SEMA5A: variants seen among roughly 807,000 people sequenced by gnomAD.
SEMA5A encodes the protein semaphorin-5A.
SEMA5A carries 55 observed loss-of-function variants against 135.5 expected under a neutral mutation model. The ratio of observed to expected loss-of-function variants is 0.41; its 90% CI spans 0.33 to 0.51. SEMA5A has a LOEUF of 0.51. SEMA5A is among the 20% of genes least tolerant of loss of function. The pLI is 0.37. For missense variants in SEMA5A, 1,290 were observed against 1,419.9 expected (o/e 0.91, Z 1.47); for synonymous variants, 580 against 546.5 (o/e 1.06, Z -0.85).
intron 13 of SEMA5A, among the ~76,000 whole-genome samples, chr5:9,127,618 T>A (rs568960550): frequency 7.9e-5 from 12 of 152,248 alleles, no homozygotes; most frequent in African/African-American, 2.9e-4. Flanking sequence ...TGTTTGGGGG[T>A]TTATTTGCAC....
intron 21 of SEMA5A, among the ~76,000 whole-genome samples, chr5:9,048,741 G>A (rs1736404240): frequency 6.6e-6 from 1 of 152,126 alleles, no homozygotes; most frequent in East Asian, 1.9e-4. Flanking sequence ...GGACCAAATG[G>A]GCTTTGCACC....
chr5:9,143,669 C>T (rs1742181635), intron 12 of SEMA5A, among the ~76,000 whole-genome samples: 1 of 152,144 alleles, frequency 6.6e-6, no homozygotes, highest in East Asian at 1.9e-4. Flanking sequence ...AGATAGAGCA[C>T]ATGTGAAATA....
intron 2 of SEMA5A, among the ~76,000 whole-genome samples, chr5:9,434,268 C>G (rs1388542166): frequency 1.3e-5 from 2 of 152,102 alleles, no homozygotes; most frequent in Non-Finnish European, 2.9e-5. Context: ...AATTTTATGT[C>G]TAGTATTATC....
At chr5:9,515,580 C>G (rs1004161983) in intron 1 of SEMA5A, among the ~76,000 whole-genome samples, 5 of 152,128 alleles carry the variant, frequency 3.3e-5, no homozygotes, top group African/African-American at 9.7e-5. Context: ...ATGACACAAA[C>G]AGAAGAGCTT....
At chr5:9,067,848 TA>T (rs1737560514) in intron 16 of SEMA5A, among the ~76,000 whole-genome samples, 1 of 152,210 alleles carries the variant, frequency 6.6e-6, no homozygotes, top group Non-Finnish European at 1.5e-5. Context: ...ATAGTTTCCA[TA>T]TCTTCATCTT....
At chr5:9,304,751 T>C (rs535935786) in intron 5 of SEMA5A, among the ~76,000 whole-genome samples, 22 of 152,330 alleles carry the variant, frequency 1.4e-4, no homozygotes, top group South Asian at 4.1e-4. Flanking sequence ...TTCTCAGTAT[T>C]GATTTATGAT....
chr5:9,155,230 C>G (rs930870012), intron 11 of SEMA5A, among the ~76,000 whole-genome samples: 2 of 152,160 alleles, frequency 1.3e-5, no homozygotes, highest in Non-Finnish European at 2.9e-5. Context: ...CTCCTTCTTT[C>G]CTCCTAGTGC....
chr5:9,349,132 G>C (rs1435482895), intron 3 of SEMA5A, among the ~76,000 whole-genome samples: 4 of 152,210 alleles, frequency 2.6e-5, no homozygotes, highest in Non-Finnish European at 5.9e-5. Flanking sequence ...TGCAAGGAAG[G>C]CTTCTTGCTT....
At chr5:9,484,358 A>G (rs1161449032) in intron 1 of SEMA5A, among the ~76,000 whole-genome samples, 1 of 152,148 alleles carries the variant, frequency 6.6e-6, no homozygotes, top group East Asian at 1.9e-4. Flanking sequence ...AATTCCTTCC[A>G]TGATCTCTTT....
rs1735597548 is a variant in SEMA5A, at chr5:9,035,494, G to C, written c.*7403C>G. ...GTTGATCCAATGCAGCAGGTAATGAGTTTCCAGTTGCCACAATTGGTGTCT... is the reference window on the plus strand; with the variant it reads ...GTTGATCCAATGCAGCAGGTAATGACTTTCCAGTTGCCACAATTGGTGTCT... On this transcript the variant is annotated 3_prime_UTR_variant, in exon 23 of 23. Transcript: ENST00000382496. 1 of 152,104 alleles carries C rather than the reference G, an allele frequency of 6.6e-6. No homozygotes were observed. Among genetic ancestry groups the C allele is most frequent in the Non-Finnish European group, 1.5e-5 (1 of 68,016 alleles). 9.4% of individuals were successfully genotyped at this position (152,104 alleles called of 1,614,324 possible).
chr5:9,260,836 G>A (rs1304035900), intron 5 of SEMA5A, among the ~76,000 whole-genome samples: 4 of 69,288 alleles, frequency 5.8e-5, no homozygotes, highest in African/African-American at 2.0e-4. Context: ...ACTGGCACAA[G>A]ACAGGGATGC....
chr5:9,521,164 C>T (rs1220452052), intron 1 of SEMA5A, among the ~76,000 whole-genome samples: 1 of 152,192 alleles, frequency 6.6e-6, no homozygotes, highest in Non-Finnish European at 1.5e-5. Flanking sequence ...AATCCCAGCA[C>T]TTTGGGAGGC....
intron 5 of SEMA5A, among the ~76,000 whole-genome samples, chr5:9,302,705 GA>G (rs1261399814): frequency 8.5e-5 from 13 of 152,090 alleles, no homozygotes; most frequent in Non-Finnish European, 1.8e-4. Context: ...AATTGACATA[GA>G]ACCACCTACT....
chr5:9,391,164 T>C (rs1216953077), intron 2 of SEMA5A, among the ~76,000 whole-genome samples: 2 of 152,116 alleles, frequency 1.3e-5, no homozygotes, highest in Non-Finnish European at 2.9e-5. Context: ...GGCCTGAAAA[T>C]GTGTTTTCTT....
At chr5:9,519,632 A>G in intron 1 of SEMA5A, among the ~76,000 whole-genome samples, 1 of 152,226 alleles carries the variant, frequency 6.6e-6, no homozygotes, top group East Asian at 1.9e-4. Context: ...TTCCTTAGAT[A>G]TGTTTCCCAT....
intron 3 of SEMA5A, among the ~76,000 whole-genome samples, chr5:9,345,775 G>A (rs1468056924): frequency 6.6e-6 from 1 of 151,914 alleles, no homozygotes; most frequent in Non-Finnish European, 1.5e-5. Context: ...TAGTCATATT[G>A]TATCTAGATA....
chr5:9,162,509 A>T (rs1743329226), intron 11 of SEMA5A, among the ~76,000 whole-genome samples: 2 of 53,418 alleles, frequency 3.7e-5, no homozygotes, highest in Admixed American at 1.8e-4. Flanking sequence ...TATATATAGG[A>T]ATATATGTGT....
intron 3 of SEMA5A, among the ~76,000 whole-genome samples, chr5:9,356,109 A>G (rs1754433122): frequency 1.3e-5 from 2 of 152,214 alleles, no homozygotes; most frequent in Admixed American, 1.3e-4. Flanking sequence ...TTCTTTCCCC[A>G]GAAGTGAGAG....
intron 18 of SEMA5A, among the ~76,000 whole-genome samples, 156 bp from the exon 19 acceptor site, chr5:9,054,413 CA>C (rs1163773126): frequency 6.6e-6 from 1 of 152,082 alleles, no homozygotes; most frequent in Non-Finnish European, 1.5e-5. Flanking sequence ...CACGTAGCAA[CA>C]AGGCTTCTGA....
Sources: allele counts gnomAD v4.1 joint callset (sites outside exome capture counted in the v4.1 genomes callset), GRCh38; gene constraint gnomAD v4.1.1; transcripts MANE v1.5; gene names NCBI Gene and HGNC (gene_info 2026-07-23, HGNC 2026-07-21).